Variants in GFRA1 observed in about 807,000 individuals in gnomAD.
GFRA1 encodes GDNF family receptor alpha-1.
GFRA1 carries 16 observed loss-of-function variants against 51.6 expected under a neutral mutation model. That is an observed-to-expected ratio of 0.31 (90% CI 0.21 to 0.47). GFRA1 has a LOEUF of 0.47. GFRA1 is among the 20% of genes least tolerant of loss of function. The pLI is 1.00. For missense variants in GFRA1, 530 were observed against 594.3 expected (o/e 0.89, Z 1.13); for synonymous variants, 270 against 241.3 (o/e 1.12, Z -1.10).
intron 4 of GFRA1, among the ~76,000 whole-genome samples, chr10:116,216,359 T>G (rs931400954): frequency 1.3e-5 from 2 of 152,202 alleles, no homozygotes; most frequent in East Asian, 3.9e-4. Flanking sequence ...CTCTGCTTTA[T>G]TTATCTATTG....
intron 9 of GFRA1, among the ~76,000 whole-genome samples, chr10:116,066,296 T>C (rs555710687): frequency 3.3e-5 from 5 of 152,262 alleles, no homozygotes; most frequent in South Asian, 4.1e-4. Context: ...TAGGATCACA[T>C]AGAATCCGGG....
chr10:116,147,111 C>T (rs1958835881), intron 5 of GFRA1, among the ~76,000 whole-genome samples: 1 of 152,116 alleles, frequency 6.6e-6, no homozygotes, highest in African/African-American at 2.4e-5. Context: ...TGGGCTTGTA[C>T]ATACATTTCT....
At chr10:116,186,551 A>T (rs535665847) in intron 5 of GFRA1, among the ~76,000 whole-genome samples, 82 of 143,398 alleles carry the variant, frequency 5.7e-4, no homozygotes, top group African/African-American at 2.0e-3. Context: ...TTATCTGCAT[A>T]AGGCAGAGGA....
At chr10:116,090,025 A>C (rs1956268159) in intron 8 of GFRA1, 103 bp from the exon 9 acceptor site, 3 of 1,084,564 alleles carry the variant, frequency 2.8e-6, no homozygotes, top group Non-Finnish European at 4.1e-6. Flanking sequence ...TGATTATAGC[A>C]TTGGACTTCT....
chr10:116,266,705 G>T (rs11197613), intron 4 of GFRA1, among the ~76,000 whole-genome samples: 8,772 of 152,272 alleles, frequency 0.058, 341 homozygotes, highest in South Asian at 0.092. Flanking sequence ...CTGCGAATGG[G>T]ATCCAAGGAA....
At chr10:116,119,074 G>A (rs549060708) in intron 6 of GFRA1, among the ~76,000 whole-genome samples, 2 of 152,306 alleles carry the variant, frequency 1.3e-5, no homozygotes, top group East Asian at 3.9e-4. Flanking sequence ...GAGAGCCCGA[G>A]CTGATAGAGC....
At chr10:116,260,062 A>T (rs1457394303) in intron 4 of GFRA1, among the ~76,000 whole-genome samples, 3 of 152,250 alleles carry the variant, frequency 2.0e-5, no homozygotes, top group Non-Finnish European at 2.9e-5. Context: ...TGGGATAGGC[A>T]GAGTTCCAAA....
At chr10:116,201,339 G>A (rs188129424) in intron 5 of GFRA1, among the ~76,000 whole-genome samples, 10 of 152,260 alleles carry the variant, frequency 6.6e-5, no homozygotes, top group Admixed American at 5.2e-4. Context: ...GAGAGTGTTA[G>A]GGGGCAGAAG....
At chr10:116,179,312 A>T (rs1961977583) in intron 5 of GFRA1, among the ~76,000 whole-genome samples, 1 of 152,230 alleles carries the variant, frequency 6.6e-6, no homozygotes. Context: ...GTCAGGGAGC[A>T]TATATTCACA....
At chr10:116,172,680 C>T (rs557666136) in intron 5 of GFRA1, among the ~76,000 whole-genome samples, 76 of 152,062 alleles carry the variant, frequency 5.0e-4, no homozygotes, top group Non-Finnish European at 9.6e-4. Context: ...GGCTGGGGGA[C>T]GGGCATGTGT....
At position 116,095,793 on chromosome 10, in the gene GFRA1, C is replaced by T. The variant is rs547517938; in HGVS notation, c.880+862G>A. ...CGTGTGTGACCCTGACACAGACAGC[C>T]GGCAGGAACACACACCCTGGCTGAG... On this transcript the variant is annotated intron_variant, in intron 7 of 10. Coordinates refer to ENST00000355422, the MANE Select transcript of GFRA1 (RefSeq NM_005264.8). Among the ~76,000 whole-genome samples, 148 of 152,242 alleles carry T rather than the reference C, an allele frequency of 9.7e-4. 2 individuals carry two copies. The highest frequency in any genetic ancestry group is 3.4e-3 in the African/African-American group (140 of 41,540).
At chr10:116,146,411 C>T (rs1215936928) in intron 5 of GFRA1, among the ~76,000 whole-genome samples, 3 of 152,222 alleles carry the variant, frequency 2.0e-5, no homozygotes, top group African/African-American at 7.2e-5. Flanking sequence ...TATAATTTGA[C>T]ATGTTTAATG....
chr10:116,230,328 G>A (rs1565666536), intron 4 of GFRA1, among the ~76,000 whole-genome samples: 1 of 152,138 alleles, frequency 6.6e-6, no homozygotes, highest in Non-Finnish European at 1.5e-5. Context: ...TCATTTTAGA[G>A]CTGAGGAAAC....
intron 4 of GFRA1, among the ~76,000 whole-genome samples, chr10:116,261,457 T>C (rs1206028576): frequency 1.3e-5 from 2 of 152,238 alleles, no homozygotes; most frequent in African/African-American, 4.8e-5. Flanking sequence ...TCTTGTAGCA[T>C]GTATTTGTCT....
chr10:116,274,131 T>C (rs1307870056), upstream of GFRA1, among the ~76,000 whole-genome samples: 1 of 151,708 alleles, frequency 6.6e-6, no homozygotes, highest in African/African-American at 2.4e-5. Flanking sequence ...CCCCAACCCC[T>C]GGGACCGCTG....
chr10:116,161,820 A>C (rs1959835804), intron 5 of GFRA1, among the ~76,000 whole-genome samples: 1 of 152,208 alleles, frequency 6.6e-6, no homozygotes, highest in South Asian at 2.1e-4. Context: ...GCTATGTTTT[A>C]TTAGCGTGTG....
intron 6 of GFRA1, among the ~76,000 whole-genome samples, chr10:116,104,027 G>A (rs182595257): frequency 3.9e-5 from 6 of 152,312 alleles, no homozygotes; most frequent in Admixed American, 3.3e-4. Context: ...ACCTAGGACT[G>A]AGTGTGGAGA....
rs758776759 is a variant in GFRA1 at position 116,270,913 on chromosome 10, C to A, written c.243G>T (p.Gln81His). Residue 81 changes from glutamine to histidine, a missense_variant, in exon 3 of 11, where the codon CAG (glutamine) becomes CAT (histidine). Physicochemically the swap from Gln to His is conservative, Grantham distance 24. Coordinates refer to ENST00000355422, the MANE Select transcript of GFRA1 (RefSeq NM_005264.8). ...ECRSAMEALKQKSLYNCRCKR... is the reference protein window; with the variant it reads ...ECRSAMEALKHKSLYNCRCKR... ...TGCAGCGGCAGTTGTAGAGCGACTT[C>A]TGCTTCAGGGCCTCCATGGCGCTGC... 68 of 1,614,060 alleles carry A rather than the reference C, an allele frequency of 4.2e-5. 3 individuals carry two copies. In the South Asian group the frequency reaches 7.2e-4, roughly 17 times the overall value.
Position 116,064,290 on chromosome 10 carries a change from T to C in GFRA1, c.*108A>G, listed in dbSNP as rs865951062. 2.8e-5 allele frequency: 27 copies of C among 954,768 alleles called. No individual in the cohort carries two copies. In the Middle Eastern group the frequency reaches 1.3e-3, roughly 45 times the overall value. The allele number at this position is 954,768 out of a possible 1,614,324, so 59.1% of individuals were successfully genotyped here. A position where few individuals can be genotyped will look rare whatever the true frequency, so the allele number is the denominator to read the frequency against. On this transcript the variant is annotated 3_prime_UTR_variant, in exon 11 of 11. Transcript: ENST00000355422. The stretch of plus-strand genomic sequence containing the variant: ...AAAATGTTCCAGTTGAATGGAACTG[T>C]TTCTCAACTGAGCTCCTAAACTGGA...
Sources: allele counts gnomAD v4.1 joint callset (sites outside exome capture counted in the v4.1 genomes callset), GRCh38; gene constraint gnomAD v4.1.1; transcripts MANE v1.5; gene names NCBI Gene and HGNC (gene_info 2026-07-23, HGNC 2026-07-21).